Variants in LRRC37A2 observed in about 807,000 individuals in gnomAD.
LRRC37A2 encodes the protein leucine-rich repeat-containing protein 37A2.
LRRC37A2 carries 9 observed loss-of-function variants against 68.8 expected under a neutral mutation model. That is an observed-to-expected ratio of 0.13 (90% CI 0.08 to 0.23). The LOEUF (loss-of-function observed/expected upper bound fraction) is 0.23. LRRC37A2 is among the 10% of genes least tolerant of loss of function. The pLI is 1.00. For synonymous variants in LRRC37A2, 63 were observed against 367.6 expected (o/e 0.17, Z 9.48); for missense variants, 168 against 950.4 (o/e 0.18, Z 10.82).
chr17:46,912,696 T>A, the LRRC37A2 span, among the ~76,000 whole-genome samples: 3 of 152,202 alleles, frequency 2.0e-5, no homozygotes, highest in Non-Finnish European at 2.9e-5. Context: ...CCACCCTGTC[T>A]GCTCAGCTTT....
chr17:46,932,161 C>T, the LRRC37A2 span: 1 of 1,614,148 alleles, frequency 6.2e-7, no homozygotes, highest in Non-Finnish European at 8.5e-7. Context: ...GCAGGAGAGA[C>T]AGCGAGAAGA....
chr17:46,932,462 T>G, the LRRC37A2 span: 1 of 597,962 alleles, frequency 1.7e-6, no homozygotes, highest in Non-Finnish European at 3.0e-6. Flanking sequence ...GTTGGGCTGG[T>G]CTGAGACAGA....
chr17:46,900,251 GTATATA>G, the LRRC37A2 span, among the ~76,000 whole-genome samples: 1 of 112,180 alleles, frequency 8.9e-6, no homozygotes, highest in Non-Finnish European at 1.8e-5. Context: ...ATATATATAT[GTATATA>G]TATATTTTTT....
the LRRC37A2 span, among the ~76,000 whole-genome samples, chr17:46,803,076 T>C: frequency 6.6e-6 from 1 of 152,164 alleles, no homozygotes; most frequent in African/African-American, 2.4e-5. Context: ...GTGGAGATCA[T>C]CAGAATTGAA....
At chr17:47,004,722 G>A in the LRRC37A2 span, among the ~76,000 whole-genome samples, 78 of 152,254 alleles carry the variant, frequency 5.1e-4, no homozygotes, top group Non-Finnish European at 2.8e-4. Context: ...TAGAGACAGC[G>A]TCTCACTATG....
chr17:46,503,072 A>G, the LRRC37A2 span, among the ~76,000 whole-genome samples: 1 of 150,674 alleles, frequency 6.6e-6, no homozygotes, highest in Non-Finnish European at 1.5e-5. Context: ...ATTAGCCGGC[A>G]GTGGTGGGGG....
chr17:46,795,617 C>T, the LRRC37A2 span, among the ~76,000 whole-genome samples: 2 of 152,184 alleles, frequency 1.3e-5, no homozygotes, highest in South Asian at 2.1e-4. Flanking sequence ...AAACATTTCC[C>T]GGCACACAGG....
At chr17:46,638,716 A>G in the LRRC37A2 span, among the ~76,000 whole-genome samples, 1 of 137,860 alleles carries the variant, frequency 7.3e-6, no homozygotes, top group Non-Finnish European at 1.5e-5. Flanking sequence ...GGGTTTTGCC[A>G]TGTTGGCCAG....
the LRRC37A2 span, among the ~76,000 whole-genome samples, chr17:46,875,857 A>G: frequency 6.6e-6 from 1 of 152,168 alleles, no homozygotes; most frequent in African/African-American, 2.4e-5. Context: ...ATCTTGGTCT[A>G]TTGAGGGGAG....
At chr17:46,891,259 C>T in the LRRC37A2 span, among the ~76,000 whole-genome samples, 11 of 152,264 alleles carry the variant, frequency 7.2e-5, no homozygotes, top group African/African-American at 2.6e-4. Flanking sequence ...AAGTGTCTTC[C>T]GTGGCCTTTC....
chr17:46,913,261 C>T, the LRRC37A2 span, among the ~76,000 whole-genome samples: 3 of 152,200 alleles, frequency 2.0e-5, no homozygotes, highest in Non-Finnish European at 4.4e-5. Context: ...AGTCCATTTC[C>T]AGGCAACAGA....
the LRRC37A2 span, among the ~76,000 whole-genome samples, chr17:47,030,031 C>T: frequency 6.7e-6 from 1 of 149,492 alleles, no homozygotes; most frequent in African/African-American, 2.5e-5. Flanking sequence ...CCATTGCACT[C>T]CAGCTTGAGG....
the LRRC37A2 span, among the ~76,000 whole-genome samples, chr17:46,984,832 A>C: frequency 3.9e-5 from 6 of 152,198 alleles, no homozygotes; most frequent in Non-Finnish European, 8.8e-5. Flanking sequence ...GATAAGAATG[A>C]TTTTATTTGC....
At chr17:46,534,784 GC>G (rs1276768223) in intron 6 of LRRC37A2, among the ~76,000 whole-genome samples, 7 of 149,034 alleles carry the variant, frequency 4.7e-5, no homozygotes, top group Admixed American at 6.6e-5. Context: ...GGGCAGAGGC[GC>G]CCCCCCACCT....
At chr17:46,998,393 C>T in the LRRC37A2 span, among the ~76,000 whole-genome samples, 2 of 152,164 alleles carry the variant, frequency 1.3e-5, no homozygotes, top group Non-Finnish European at 2.9e-5. Flanking sequence ...ACCCAAGGGG[C>T]GTGTTTAACT....
chr17:47,011,324 A>G, the LRRC37A2 span, among the ~76,000 whole-genome samples: 10 of 152,240 alleles, frequency 6.6e-5, no homozygotes, highest in Admixed American at 6.5e-4. Context: ...CAAGGTGGGT[A>G]GATCACTTGA....
chr17:46,830,401 AC>A, the LRRC37A2 span, among the ~76,000 whole-genome samples: 3 of 152,042 alleles, frequency 2.0e-5, no homozygotes, highest in Non-Finnish European at 2.9e-5. Context: ...ACAGACATGC[AC>A]CACCGCACCT....
At chr17:46,408,312 A>AG in the LRRC37A2 span, among the ~76,000 whole-genome samples, 1 of 52,770 alleles carries the variant, frequency 1.9e-5, no homozygotes, top group African/African-American at 4.5e-5. Context: ...AAAAAAAAAA[A>AG]AAAAAAAAAA....
chr17:46,749,465 G>A, the LRRC37A2 span, among the ~76,000 whole-genome samples: 3 of 152,124 alleles, frequency 2.0e-5, no homozygotes, highest in Non-Finnish European at 4.4e-5. Context: ...TTGGCTCTGA[G>A]GAAGGAATTA....
Sources: gnomAD v4.1 joint callset for allele counts (sites outside exome capture counted in the v4.1 genomes callset) on GRCh38, gnomAD v4.1.1 for gene constraint, MANE v1.5 for transcripts, NCBI Gene and HGNC (gene_info 2026-07-23, HGNC 2026-07-21) for gene names.